Variants in BICC1 observed in about 807,000 individuals in gnomAD.
BICC1 encodes the protein protein bicaudal C homolog 1.
A neutral mutation model predicts 111.0 loss-of-function variants in BICC1; 43 were observed. The ratio of observed to expected loss-of-function variants is 0.39; its 90% confidence interval spans 0.30 to 0.50. The LOEUF is 0.50. Ranked by LOEUF, BICC1 falls within the 20% of genes least tolerant of loss-of-function variation. The probability of loss-of-function intolerance (pLI) is 0.88; values close to 1 mark genes in which losing one functional copy is unlikely to be tolerated. For synonymous variants in BICC1, 467 were observed against 434.4 expected (o/e 1.07, Z -0.93); for missense variants, 1,091 against 1,203.2 (o/e 0.91, Z 1.38).
intron 3 of BICC1, among the ~76,000 whole-genome samples, chr10:58,753,429 A>G (rs1045854590): frequency 2.0e-5 from 3 of 152,120 alleles, no homozygotes; most frequent in Non-Finnish European, 4.4e-5. Context: ...TTGGTCTCCC[A>G]AAGTGCTGGG....
At chr10:58,566,190 ATG>A (rs1843752998) in intron 1 of BICC1, among the ~76,000 whole-genome samples, 1 of 150,366 alleles carries the variant, frequency 6.7e-6, no homozygotes, top group Non-Finnish European at 1.5e-5. Flanking sequence ...ACGTGTGTAT[ATG>A]TGTGTATACA....
In BICC1 at chr10:58,731,707, GGAGAGAGAGAGA is replaced by G; in HGVS notation, c.307+29578_307+29589del. Among the ~76,000 whole-genome samples, 3 of 147,882 alleles carry G rather than the reference GGAGAGAGAGAGA, an allele frequency of 2.0e-5. No individual in the cohort carries two copies. The Middle Eastern group carries it at 0.01, about 506-fold the overall frequency. ...CTTACATGGGAGGAGCAGGACAAGG[GGAGAGAGAGAGA>G]GAGAGAGAGAGAGGGAGGGAGTGGG... On this transcript the variant is annotated intron_variant, in intron 3 of 20. Coordinates refer to ENST00000373886, the MANE Select transcript of BICC1 (RefSeq NM_001080512.3).
intron 1 of BICC1, among the ~76,000 whole-genome samples, chr10:58,554,697 A>G (rs1433606482): frequency 1.3e-5 from 2 of 151,966 alleles, no homozygotes; most frequent in South Asian, 2.1e-4. Context: ...AAATATACAC[A>G]TTCATTATGG....
At chr10:58,571,576 G>A (rs1298668258) in intron 1 of BICC1, among the ~76,000 whole-genome samples, 2 of 145,686 alleles carry the variant, frequency 1.4e-5, no homozygotes. Flanking sequence ...ACTTGTAAGT[G>A]AGAACATGTG....
At chr10:58,679,943 G>T (rs1839464896) in intron 2 of BICC1, among the ~76,000 whole-genome samples, 2 of 152,104 alleles carry the variant, frequency 1.3e-5, no homozygotes. Context: ...AAAACCACAT[G>T]ATTACCTCAA....
chr10:58,736,846 C>G, intron 3 of BICC1, among the ~76,000 whole-genome samples: 1 of 152,068 alleles, frequency 6.6e-6, no homozygotes, highest in East Asian at 1.9e-4. Flanking sequence ...CTAGGGGAAT[C>G]TAAATCTAAA....
chr10:58,718,802 T>G (rs116802634), intron 3 of BICC1, among the ~76,000 whole-genome samples: 2,299 of 149,480 alleles, frequency 0.015, 59 homozygotes, highest in African/African-American at 0.055. Context: ...GCCCGCGTGC[T>G]TATGGGTATG....
intron 2 of BICC1, among the ~76,000 whole-genome samples, chr10:58,677,980 A>G (rs1156588689): frequency 6.6e-6 from 1 of 152,216 alleles, no homozygotes; most frequent in Non-Finnish European, 1.5e-5. Context: ...TCCTTTACAG[A>G]CAAGCAACTG....
chr10:58,662,068 G>T (rs4948308), intron 2 of BICC1, among the ~76,000 whole-genome samples: 38,142 of 152,012 alleles, frequency 0.25, 6,024 homozygotes, highest in African/African-American at 0.45. Flanking sequence ...CCTTTGAGAG[G>T]CACATATGGG....
At chr10:58,568,076 C>G (rs1843826671) in intron 1 of BICC1, among the ~76,000 whole-genome samples, 1 of 152,164 alleles carries the variant, frequency 6.6e-6, no homozygotes, top group Non-Finnish European at 1.5e-5. Flanking sequence ...TTCTGGCTAT[C>G]TGAGTTTAGG....
At chr10:58,730,541 C>T (rs1408186154) in intron 3 of BICC1, among the ~76,000 whole-genome samples, 1 of 152,084 alleles carries the variant, frequency 6.6e-6, no homozygotes, top group African/African-American at 2.4e-5. Context: ...GGAGCCCCAA[C>T]CCCACATTTC....
intron 1 of BICC1, among the ~76,000 whole-genome samples, chr10:58,576,411 A>G (rs1844112998): frequency 1.3e-5 from 2 of 150,910 alleles, no homozygotes; most frequent in Non-Finnish European, 2.9e-5. Context: ...GAATTTCTAA[A>G]TACTCTTTAA....
At chr10:58,551,743 C>T (rs1251615470) in intron 1 of BICC1, among the ~76,000 whole-genome samples, 2 of 152,096 alleles carry the variant, frequency 1.3e-5, no homozygotes, top group African/African-American at 2.4e-5. Context: ...TGAGATCATA[C>T]ATAATTTCTC....
chr10:58,628,234 A>G (rs1424832651), intron 2 of BICC1, among the ~76,000 whole-genome samples: 1 of 152,226 alleles, frequency 6.6e-6, no homozygotes, highest in African/African-American at 2.4e-5. Context: ...ACAGATAACA[A>G]TAACTAAGAT....
At chr10:58,805,559 T>G (rs1843685878) in intron 15 of BICC1, among the ~76,000 whole-genome samples, 1 of 152,252 alleles carries the variant, frequency 6.6e-6, no homozygotes, top group Non-Finnish European at 1.5e-5. Context: ...AAATCTGGCT[T>G]TCCTGACACA....
At position 58,580,230 on chromosome 10, in the gene BICC1, G is replaced by T. The variant is rs7910232; in HGVS notation, c.191-40625G>T. ...GTAGAGACAGGGTTTCACCATGTTG[G>T]CTAGGTTGGTCTCGAACTCCTGTCC... On this transcript the variant is annotated intron_variant, in intron 1 of 20. Coordinates refer to ENST00000373886, the MANE Select transcript of BICC1 (RefSeq NM_001080512.3). 7.6e-3 allele frequency among the ~76,000 whole-genome samples: 1,163 copies of T among 152,102 alleles called. 11 individuals carry two copies. The highest frequency in any genetic ancestry group is 0.013 in the Non-Finnish European group (887 of 67,988).
At chr10:58,715,418 T>C (rs1840708727) in intron 3 of BICC1, 1 of 613,820 alleles carries the variant, frequency 1.6e-6, no homozygotes, top group African/African-American at 1.8e-5. Flanking sequence ...CACACATTTC[T>C]ACCATTGGAT....
intron 2 of BICC1, among the ~76,000 whole-genome samples, chr10:58,673,783 C>T (rs1839253300): frequency 1.0e-5 from 1 of 98,742 alleles, no homozygotes; most frequent in East Asian, 2.3e-4. Context: ...CTACCACGCC[C>T]AGCTTTTTTT....
intron 1 of BICC1, among the ~76,000 whole-genome samples, chr10:58,542,650 C>T (rs1444648564): frequency 6.6e-6 from 1 of 151,966 alleles, no homozygotes; most frequent in Non-Finnish European, 1.5e-5. Context: ...ATGTAAAGAA[C>T]TTCTGTAACT....
Sources: gnomAD v4.1 joint callset for allele counts (sites outside exome capture counted in the v4.1 genomes callset) on GRCh38, gnomAD v4.1.1 for gene constraint, MANE v1.5 for transcripts, NCBI Gene and HGNC (gene_info 2026-07-23, HGNC 2026-07-21) for gene names.